Variants in RALGAPA2 observed in about 807,000 individuals in gnomAD.
RALGAPA2 encodes the protein ral GTPase-activating protein subunit alpha-2.
RALGAPA2 carries 139 observed loss-of-function variants against 230.4 expected under a neutral mutation model. The observed-to-expected ratio is 0.60, with a 90% CI of 0.53 to 0.69. The LOEUF is 0.69. Among genes scored for constraint, RALGAPA2 ranks in the 30% least tolerant of loss-of-function variants. RALGAPA2 has a pLI of 0.00. For synonymous variants in RALGAPA2, 847 were observed against 837.8 expected (o/e 1.01, Z -0.19); for missense variants, 2,163 against 2,276.0 (o/e 0.95, Z 1.01).
At chr20:20,393,348 G>A (rs1360810750) in intron 39 of RALGAPA2, 95 bp from the exon 40 acceptor site, 25 of 1,013,764 alleles carry the variant, frequency 2.5e-5, no homozygotes, top group African/African-American at 3.4e-5. Flanking sequence ...AGAAGGGAGG[G>A]AAACTCCCAG....
chr20:20,433,640 A>C (rs1261193483), intron 37 of RALGAPA2, among the ~76,000 whole-genome samples: 1 of 152,168 alleles, frequency 6.6e-6, no homozygotes, highest in African/African-American at 2.4e-5. Flanking sequence ...TACTCCCCAA[A>C]CAAACCTACT....
chr20:20,680,390 A>T (rs558021219), intron 2 of RALGAPA2, among the ~76,000 whole-genome samples: 1 of 152,314 alleles, frequency 6.6e-6, no homozygotes, highest in South Asian at 2.1e-4. Context: ...TGGAATCTAA[A>T]TTTTTTTAAT....
chr20:20,551,348 GC>G (rs1212854106), intron 23 of RALGAPA2, among the ~76,000 whole-genome samples: 8 of 152,170 alleles, frequency 5.3e-5, no homozygotes, highest in Non-Finnish European at 1.2e-4. Context: ...TCTTTCACAA[GC>G]TTTTGTTCAA....
At chr20:20,504,997 T>C (rs2062489850) in intron 34 of RALGAPA2, 1 of 984,414 alleles carries the variant, frequency 1.0e-6, no homozygotes, top group Non-Finnish European at 1.2e-6. Context: ...TATTATATTA[T>C]ATTTTCATTG....
intron 36 of RALGAPA2, among the ~76,000 whole-genome samples, chr20:20,477,438 T>C (rs773453876): frequency 2.0e-5 from 3 of 152,188 alleles, no homozygotes; most frequent in Non-Finnish European, 4.4e-5. Flanking sequence ...TGGCACCTAC[T>C]TGTGTATGGC....
chr20:20,442,791 G>T (rs544351497), intron 37 of RALGAPA2, among the ~76,000 whole-genome samples: 1 of 152,198 alleles, frequency 6.6e-6, no homozygotes, highest in Admixed American at 6.5e-5. Flanking sequence ...ACTTCTGTAC[G>T]AACAGACAGA....
chr20:20,652,544 A>G (rs1432421338), intron 4 of RALGAPA2, among the ~76,000 whole-genome samples: 1 of 152,188 alleles, frequency 6.6e-6, no homozygotes, highest in Non-Finnish European at 1.5e-5. Context: ...TCTCTCCCTC[A>G]ACAAATATTT....
At chr20:20,516,772 C>A (rs2062883945) in intron 31 of RALGAPA2, among the ~76,000 whole-genome samples, 1 of 152,196 alleles carries the variant, frequency 6.6e-6, no homozygotes, top group Admixed American at 6.5e-5. Context: ...GGTGGCTAGA[C>A]CCAGAAGAGC....
intron 3 of RALGAPA2, among the ~76,000 whole-genome samples, chr20:20,665,910 A>G (rs1042655533): frequency 6.6e-6 from 1 of 152,244 alleles, no homozygotes; most frequent in Non-Finnish European, 1.5e-5. Context: ...AGACCAGTGA[A>G]AAAGGGTACC....
intron 4 of RALGAPA2, among the ~76,000 whole-genome samples, chr20:20,647,333 G>C (rs1280614057): frequency 6.6e-6 from 1 of 152,134 alleles, no homozygotes; most frequent in Non-Finnish European, 1.5e-5. Flanking sequence ...AAGAAAGAGA[G>C]AAACTCCCTC....
At chr20:20,706,362 G>A (rs897816608) in intron 1 of RALGAPA2, among the ~76,000 whole-genome samples, 7 of 152,170 alleles carry the variant, frequency 4.6e-5, no homozygotes, top group Non-Finnish European at 8.8e-5. Context: ...AGCAAAGGAA[G>A]CATTACGACA....
At chr20:20,541,013 G>T (rs543862943) in intron 24 of RALGAPA2, among the ~76,000 whole-genome samples, 1 of 150,872 alleles carries the variant, frequency 6.6e-6, no homozygotes, top group South Asian at 2.1e-4. Context: ...ATTATATATC[G>T]CAATCTAGGC....
At chr20:20,602,814 G>A (rs1358338230) in intron 15 of RALGAPA2, among the ~76,000 whole-genome samples, 2 of 46,122 alleles carry the variant, frequency 4.3e-5, no homozygotes, top group Non-Finnish European at 9.1e-5. Context: ...AATGGCAGGC[G>A]TGTGTGTGTG....
At chr20:20,402,015 C>T (rs73288525) in intron 38 of RALGAPA2, among the ~76,000 whole-genome samples, 4,081 of 152,316 alleles carry the variant, frequency 0.027, 158 homozygotes, top group African/African-American at 0.093. Context: ...GGGCTCCTCT[C>T]CCCCACTGGG....
intron 16 of RALGAPA2, among the ~76,000 whole-genome samples, chr20:20,594,980 A>C (rs1434483700): frequency 6.6e-6 from 1 of 152,114 alleles, no homozygotes; most frequent in Non-Finnish European, 1.5e-5. Context: ...TTGGCCTCCC[A>C]AAGTATTGGG....
At chr20:20,514,779 C>T (rs1237757051) in intron 31 of RALGAPA2, among the ~76,000 whole-genome samples, 1 of 152,214 alleles carries the variant, frequency 6.6e-6, no homozygotes, top group Admixed American at 6.5e-5. Context: ...GCCACCCCAC[C>T]TTTCTTGTGC....
At chr20:20,627,244 G>A (rs920246232) in intron 10 of RALGAPA2, among the ~76,000 whole-genome samples, 1 of 152,174 alleles carries the variant, frequency 6.6e-6, no homozygotes, top group Non-Finnish European at 1.5e-5. Flanking sequence ...TCCAGTGACT[G>A]TCATAGGAGG....
At chr20:20,638,749 TG>T (rs2066937590) in intron 7 of RALGAPA2, among the ~76,000 whole-genome samples, 1 of 152,132 alleles carries the variant, frequency 6.6e-6, no homozygotes, top group Non-Finnish European at 1.5e-5. Context: ...TTCCAGAATA[TG>T]AAAGCATGCC....
At chr20:20,654,026 T>C (rs937007931) in intron 3 of RALGAPA2, among the ~76,000 whole-genome samples, 1 of 152,150 alleles carries the variant, frequency 6.6e-6, no homozygotes, top group African/African-American at 2.4e-5. Context: ...ACAAAGAGAA[T>C]GAGACTGTAA....
Sources: allele counts gnomAD v4.1 joint callset (sites outside exome capture counted in the v4.1 genomes callset), GRCh38; gene constraint gnomAD v4.1.1; transcripts MANE v1.5; gene names NCBI Gene and HGNC (gene_info 2026-07-23, HGNC 2026-07-21).